Variants in CWC27 observed in about 807,000 individuals in gnomAD.
The protein encoded by CWC27 is CWC27 spliceosome associated cyclophilin.
Under a neutral mutation model 63.6 loss-of-function variants are expected in CWC27, and 47 were observed. That is an observed-to-expected ratio of 0.74 (90% CI 0.58 to 0.94). The LOEUF (loss-of-function observed/expected upper bound fraction) is 0.94. CWC27 is among the 40% of genes least tolerant of loss of function. The pLI, the probability that CWC27 is intolerant of heterozygous loss-of-function variation, is 0.00. For missense variants in CWC27, 495 were observed against 554.3 expected (o/e 0.89, Z 1.07); for synonymous variants, 175 against 179.8 (o/e 0.97, Z 0.22).
intron 13 of CWC27, among the ~76,000 whole-genome samples, chr5:65,004,398 T>TTTTGG (rs61467936): frequency 1.0e-5 from 1 of 99,608 alleles, no homozygotes; most frequent in African/African-American, 4.1e-5. Flanking sequence ...TTTTTTTTTT[T>TTTTGG]GGTGGGGGGG....
intron 2 of CWC27, among the ~76,000 whole-genome samples, chr5:64,781,624 G>T (rs1244195598): frequency 6.6e-6 from 1 of 152,136 alleles, no homozygotes; most frequent in African/African-American, 2.4e-5. Context: ...GTCCCCTGGG[G>T]CACAATATTG....
intron 11 of CWC27, among the ~76,000 whole-genome samples, chr5:64,926,926 C>G (rs574545668): frequency 1.1e-4 from 17 of 152,224 alleles, no homozygotes; most frequent in Non-Finnish European, 2.1e-4. Flanking sequence ...TCAGTTTGTT[C>G]TATTAGGTGG....
At chr5:64,878,752 T>G (rs1004188816) in intron 10 of CWC27, among the ~76,000 whole-genome samples, 1 of 151,904 alleles carries the variant, frequency 6.6e-6, no homozygotes, top group African/African-American at 2.4e-5. Flanking sequence ...GGAGTATGTG[T>G]ACTGAATCTC....
intron 11 of CWC27, among the ~76,000 whole-genome samples, chr5:64,969,741 CGCCATAAAGTGTGATAA>C (rs532332527): frequency 1.0e-3 from 158 of 152,112 alleles, no homozygotes; most frequent in Non-Finnish European, 1.6e-3. Flanking sequence ...AACAGGAAAT[CGCCATAAAGTGTGATAA>C]GTGCTAAAGG....
Position 65,016,991 on chromosome 5 carries a change from C to G in CWC27, c.1257-1168C>G, listed in dbSNP as rs150177778. 5.7e-3 allele frequency among the ~76,000 whole-genome samples: 865 copies of G among 152,276 alleles called. 7 individuals are homozygous for G. The highest frequency in any genetic ancestry group is 0.02 in the African/African-American group (811 of 41,558). The stretch of plus-strand genomic sequence containing the variant: ...GAAGAAAAGTGTGTATAGGATATAA[C>G]TGGTAGGAAAAGACTTAAGAGTTTT... On this transcript the variant is annotated intron_variant, in intron 13 of 13. Coordinates refer to ENST00000381070, the MANE Select transcript of CWC27 (RefSeq NM_005869.4).
rs533396312 is a variant in CWC27 at position 64,977,017 on chromosome 5, A to G, written c.1153-118A>G. 5.6e-6 allele frequency: 3 copies of G among 534,632 alleles called. No individual in the cohort carries two copies. In the South Asian group the frequency reaches 1.2e-4, roughly 22 times the overall value. 33.1% of individuals were successfully genotyped at this position (534,632 alleles called of 1,614,324 possible). A position where few individuals can be genotyped will look rare whatever the true frequency, so the allele number is the denominator to read the frequency against. The stretch of plus-strand genomic sequence containing the variant: ...GGTAGTTTTGTTCTTTTTGTTCAAA[A>G]TCAAACATTTTGTTTTACATCCAAG... On this transcript the variant is annotated intron_variant, in intron 12 of 13. Coordinates refer to ENST00000381070, the MANE Select transcript of CWC27 (RefSeq NM_005869.4).
intron 11 of CWC27, among the ~76,000 whole-genome samples, chr5:64,965,216 G>A (rs1748991191): frequency 6.6e-6 from 1 of 152,188 alleles, no homozygotes; most frequent in Non-Finnish European, 1.5e-5. Context: ...AACACCCTGT[G>A]ATTTACCCAT....
intron 7 of CWC27, among the ~76,000 whole-genome samples, chr5:64,790,815 A>G (rs553009190): frequency 1.1e-4 from 16 of 152,298 alleles, no homozygotes; most frequent in African/African-American, 3.6e-4. Flanking sequence ...TGTAATCCCT[A>G]TAACAACCAT....
chr5:64,809,780 A>G (rs1256516991), intron 10 of CWC27, among the ~76,000 whole-genome samples: 2 of 152,080 alleles, frequency 1.3e-5, no homozygotes, highest in African/African-American at 4.8e-5. Flanking sequence ...TGAGTTCCTT[A>G]TATATTTTGT....
At chr5:64,894,993 A>G (rs1004103178) in intron 11 of CWC27, among the ~76,000 whole-genome samples, 2 of 152,208 alleles carry the variant, frequency 1.3e-5, no homozygotes, top group East Asian at 3.8e-4. Flanking sequence ...GTGGGCTACA[A>G]GGGAAATTAC....
intron 10 of CWC27, among the ~76,000 whole-genome samples, chr5:64,838,113 A>C (rs1745705482): frequency 6.6e-6 from 1 of 152,198 alleles, no homozygotes; most frequent in South Asian, 2.1e-4. Flanking sequence ...ATTTGATCAA[A>C]GTCATTAGAT....
At chr5:65,016,638 C>T (rs534988861) in intron 13 of CWC27, among the ~76,000 whole-genome samples, 180 of 152,234 alleles carry the variant, frequency 1.2e-3, no homozygotes, top group Non-Finnish European at 2.2e-3. Context: ...AGTCTCAACT[C>T]GCCAGCCCTG....
At chr5:64,934,337 G>A (rs1223012105) in intron 11 of CWC27, among the ~76,000 whole-genome samples, 2 of 152,170 alleles carry the variant, frequency 1.3e-5, no homozygotes, top group African/African-American at 2.4e-5. Context: ...CCACTTATGA[G>A]TGAGAACATG....
At chr5:64,885,266 CTT>C (rs1218397185) in intron 10 of CWC27, among the ~76,000 whole-genome samples, 175 bp from the exon 11 acceptor site, 3 of 152,112 alleles carry the variant, frequency 2.0e-5, no homozygotes, top group African/African-American at 7.2e-5. Flanking sequence ...AATTAGAACT[CTT>C]AAAATCCTTT....
At chr5:64,983,473 G>A (rs1010143181) in intron 13 of CWC27, among the ~76,000 whole-genome samples, 23 of 152,298 alleles carry the variant, frequency 1.5e-4, no homozygotes, top group Admixed American at 6.5e-4. Flanking sequence ...AGGGGTCCCC[G>A]AGTCACACTT....
chr5:64,782,859 G>T (rs1743749183), intron 3 of CWC27, among the ~76,000 whole-genome samples: 1 of 152,164 alleles, frequency 6.6e-6, no homozygotes, highest in Non-Finnish European at 1.5e-5. Flanking sequence ...AGTCTCAGAT[G>T]TCACTTTTAG....
chr5:64,999,513 G>A (rs770721970), intron 13 of CWC27, among the ~76,000 whole-genome samples: 5 of 151,912 alleles, frequency 3.3e-5, no homozygotes, highest in Non-Finnish European at 5.9e-5. Context: ...CCAGCCCCTG[G>A]TAACCATCAT....
chr5:64,811,548 AT>A (rs1744879208), intron 10 of CWC27, among the ~76,000 whole-genome samples: 1 of 152,070 alleles, frequency 6.6e-6, no homozygotes, highest in African/African-American at 2.4e-5. Flanking sequence ...ATCATTAAAA[AT>A]TTCATGATAA....
chr5:64,901,126 A>G (rs1407957449), intron 11 of CWC27, among the ~76,000 whole-genome samples: 2 of 152,146 alleles, frequency 1.3e-5, no homozygotes, highest in Admixed American at 6.5e-5. Flanking sequence ...TATTGTTCCT[A>G]GGCTATAATC....
Sources: allele counts gnomAD v4.1 joint callset (sites outside exome capture counted in the v4.1 genomes callset), GRCh38; gene constraint gnomAD v4.1.1; transcripts MANE v1.5; gene names NCBI Gene and HGNC (gene_info 2026-07-23, HGNC 2026-07-21).